Variants in EML5 observed in about 807,000 individuals in gnomAD.
The protein encoded by EML5 is EMAP like 5, also known as echinoderm microtubule-associated protein-like 5.
In EML5, 120 loss-of-function variants were observed where a neutral mutation model predicts 250.0. The observed-to-expected ratio is 0.48, with a 90% CI of 0.41 to 0.56. EML5 has a LOEUF of 0.56. EML5 is among the 20% of genes least tolerant of loss of function. EML5 has a pLI of 0.00. For synonymous variants in EML5, 771 were observed against 806.5 expected, an observed-to-expected ratio of 0.96 and a Z score of 0.75; for missense variants, 2,006 against 2,437.6, an observed-to-expected ratio of 0.82 and a Z score of 3.73.
chr14:88,780,968 G>A lies in EML5; in HGVS notation c.197+11339C>T, dbSNP rs147269823. On this transcript the variant is annotated intron_variant, in intron 1 of 43. Coordinates refer to ENST00000554922, the MANE Select transcript of EML5 (RefSeq NM_183387.3). ...AAAATACCTTCACAGCTCACTTAATGTTTGATTAAATCATCTGGTACTATA... is the reference window on the plus strand; with the variant it reads ...AAAATACCTTCACAGCTCACTTAATATTTGATTAAATCATCTGGTACTATA... 5.7e-3 allele frequency among the ~76,000 whole-genome samples: 861 copies of A among 152,230 alleles called. 7 individuals are homozygous for A. Among genetic ancestry groups the A allele is most frequent in the African/African-American group, 0.02 (830 of 41,528 alleles).
In EML5 at chr14:88,658,918, G is replaced by A. The variant is rs192288147; in HGVS notation, c.3676-530C>T. ...GGATACACATGCCTATGTACAGCAT[G>A]AGTATGTTAACAAAAAGTAACTATC... On this transcript the variant is annotated intron_variant, in intron 25 of 43. Transcript: ENST00000554922. Among the ~76,000 whole-genome samples the A allele has an allele frequency of 1.1e-4, 17 of 152,224 alleles. 1 individual carries two copies. The highest frequency in any genetic ancestry group is 1.1e-3 in the Admixed American group (17 of 15,284).
chr14:88,760,386 T>A (rs2094221744), intron 1 of EML5, among the ~76,000 whole-genome samples: 1 of 152,196 alleles, frequency 6.6e-6, no homozygotes, highest in Non-Finnish European at 1.5e-5. Flanking sequence ...GTAAGATTCC[T>A]AACTTTCCAG....
At chr14:88,758,807 T>C (rs2094198060) in intron 1 of EML5, among the ~76,000 whole-genome samples, 1 of 152,158 alleles carries the variant, frequency 6.6e-6, no homozygotes, top group Admixed American at 6.6e-5. Flanking sequence ...AAATGTGGTA[T>C]CCACACAACA....
intron 1 of EML5, among the ~76,000 whole-genome samples, chr14:88,772,837 C>T (rs761229887): frequency 6.6e-6 from 1 of 152,214 alleles, no homozygotes; most frequent in Non-Finnish European, 1.5e-5. Context: ...TCCAGCTACA[C>T]TGGCCTTTCT....
intron 15 of EML5, among the ~76,000 whole-genome samples, chr14:88,696,125 A>C (rs2093072302): frequency 6.6e-6 from 1 of 151,516 alleles, no homozygotes; most frequent in Admixed American, 6.6e-5. Context: ...CTTAGCTTGC[A>C]ATTCATTTTC....
At position 88,657,505 on chromosome 14, in the gene EML5, AC is replaced by A; in HGVS notation, c.3878-4del. 2 of 1,590,150 alleles carry A rather than the reference AC, an allele frequency of 1.3e-6. No individual in the cohort carries two copies. The highest frequency in any genetic ancestry group is 1.7e-6 in the Non-Finnish European group (2 of 1,170,184). On this transcript the variant is annotated splice_polypyrimidine_tract_variant and splice_region_variant and intron_variant, in intron 26 of 43. Transcript: ENST00000554922. Reference sequence around the variant, plus strand: ...CCTTGTAACATCACTGTCATAGCCTACAATAAAAATATACGAGTAATTCTTT... The same window carrying A: ...CCTTGTAACATCACTGTCATAGCCTAAATAAAAATATACGAGTAATTCTTT...
intron 27 of EML5, among the ~76,000 whole-genome samples, chr14:88,652,832 A>G (rs1390701584): frequency 6.6e-6 from 1 of 152,052 alleles, no homozygotes; most frequent in Non-Finnish European, 1.5e-5. Context: ...TTTATTTCTT[A>G]ATCTGTCATC....
chr14:88,752,043 T>C (rs1249165842), intron 2 of EML5, among the ~76,000 whole-genome samples: 1 of 152,220 alleles, frequency 6.6e-6, no homozygotes, highest in Non-Finnish European at 1.5e-5. Flanking sequence ...CTTTAGCTAT[T>C]ATGTTTTTAT....
intron 37 of EML5, chr14:88,621,759 TAGG>T (rs2088997066): frequency 2.1e-5 from 7 of 338,700 alleles, no homozygotes; most frequent in South Asian, 7.4e-5. Flanking sequence ...AAAATTTTCA[TAGG>T]AGTTGTAGTT....
At chr14:88,786,242 G>A (rs925546674) in intron 1 of EML5, among the ~76,000 whole-genome samples, 7 of 151,910 alleles carry the variant, frequency 4.6e-5, no homozygotes, top group Non-Finnish European at 8.8e-5. Context: ...AGTTTCTATC[G>A]CATTTTCTCA....
intron 10 of EML5, among the ~76,000 whole-genome samples, chr14:88,711,895 A>G (rs2093413980): frequency 6.6e-6 from 1 of 151,910 alleles, no homozygotes. Context: ...CAGTGAGCAG[A>G]GATCACCACT....
chr14:88,792,133 G>A lies in EML5; in HGVS notation c.197+174C>T, dbSNP rs1164045098. On this transcript the variant is annotated intron_variant, in intron 1 of 43. Transcript: ENST00000554922. This position sits in a 1 kb window ranked among gnomAD's most constrained non-coding sequence, Gnocchi z 6.9. Reference sequence around the variant, plus strand: ...GAGAGAGTCCCTAGACGAGGAAGAGGGGAAAGGCATTTGTAGGGTGTTAAC... The same window carrying A: ...GAGAGAGTCCCTAGACGAGGAAGAGAGGAAAGGCATTTGTAGGGTGTTAAC... Among the ~76,000 whole-genome samples the A allele has an allele frequency of 6.6e-6, 1 of 152,182 alleles. No individual in the cohort carries two copies. Among genetic ancestry groups the A allele is most frequent in the Admixed American group, 6.5e-5 (1 of 15,292 alleles).
At chr14:88,765,642 T>C (rs929321745) in intron 1 of EML5, among the ~76,000 whole-genome samples, 2 of 152,200 alleles carry the variant, frequency 1.3e-5, no homozygotes, top group African/African-American at 4.8e-5. Flanking sequence ...TGCAAAGTCA[T>C]GTGTGCTTTG....
rs1388195217 is a variant in EML5 at position 88,732,713 on chromosome 14, G to C, written c.1049+3651C>G. Among the ~76,000 whole-genome samples, 4 of 152,284 alleles carry C rather than the reference G, an allele frequency of 2.6e-5. No homozygotes were observed. In the East Asian group the frequency reaches 5.8e-4, roughly 22 times the overall value. On this transcript the variant is annotated intron_variant, in intron 7 of 43. Coordinates refer to ENST00000554922, the MANE Select transcript of EML5 (RefSeq NM_183387.3). ...ATACAGAAGCAGAAAATCCTGACTT[G>C]CACTAACACAGCAGTTAAATGGCTT...
intron 8 of EML5, among the ~76,000 whole-genome samples, chr14:88,716,043 G>A (rs1308231484): frequency 2.0e-5 from 3 of 152,206 alleles, no homozygotes; most frequent in Admixed American, 6.5e-5. Flanking sequence ...AACAGAGGGA[G>A]GGAGAAAAGG....
At chr14:88,701,603 G>A (rs2180594) in intron 14 of EML5, among the ~76,000 whole-genome samples, 3,591 of 151,928 alleles carry the variant, frequency 0.024, 58 homozygotes, top group Middle Eastern at 0.054. Context: ...AAGAAGAATG[G>A]GAGAAAGAAA....
At chr14:88,722,778 T>C (rs1382356920) in intron 8 of EML5, among the ~76,000 whole-genome samples, 1 of 152,080 alleles carries the variant, frequency 6.6e-6, no homozygotes, top group East Asian at 1.9e-4. Context: ...AAAAAAAAAT[T>C]TGCAACCCCT....
intron 15 of EML5, 47 bp downstream of exon 15, chr14:88,696,800 T>C: frequency 2.2e-6 from 3 of 1,341,194 alleles, no homozygotes; most frequent in Non-Finnish European, 3.1e-6. Flanking sequence ...TGCTATGTGT[T>C]GCCTCTGCAT....
intron 27 of EML5, among the ~76,000 whole-genome samples, chr14:88,651,131 G>A (rs1287682): frequency 0.98 from 143,433 of 146,464 alleles, 70,246 homozygotes; most frequent in East Asian, 1. Context: ...AAATCACATT[G>A]ATGACTTCTG....
Sources: allele counts gnomAD v4.1 joint callset (sites outside exome capture counted in the v4.1 genomes callset), GRCh38; gene constraint gnomAD v4.1.1; non-coding constraint Gnocchi (gnomAD v3.1); transcripts MANE v1.5; gene names NCBI Gene and HGNC (gene_info 2026-07-23, HGNC 2026-07-21).